The following CRYBG1 variants were observed in gnomAD, a reference collection of about 807,000 sequenced individuals.
The protein encoded by CRYBG1 is crystallin beta-gamma domain containing 1.
In CRYBG1, 139 loss-of-function variants were observed where a neutral mutation model predicts 189.2. The observed-to-expected ratio is 0.73, with a 90% CI of 0.64 to 0.85. The LOEUF is 0.85. CRYBG1 is among the 40% of genes least tolerant of loss of function. The pLI, the probability that CRYBG1 is intolerant of heterozygous loss-of-function variation, is 0.00. For synonymous variants in CRYBG1, 1,023 were observed against 1,017.1 expected (o/e 1.01, Z -0.11); for missense variants, 2,611 against 2,675.8 (o/e 0.98, Z 0.53).
At chr6:106,434,953 A>C (rs1246475018) in intron 1 of CRYBG1, among the ~76,000 whole-genome samples, 1 of 152,248 alleles carries the variant, frequency 6.6e-6, no homozygotes, top group East Asian at 1.9e-4. Context: ...TAACAAAAAG[A>C]GGCTGTAGGG....
In CRYBG1 at chr6:106,495,673, T is replaced by C. The variant is rs142988935; in HGVS notation, c.313-15757T>C. On this transcript the variant is annotated intron_variant, in intron 2 of 21. Transcript: ENST00000633556. ...CTGCTGTCTGTGCTTTTCTAGGTTC[T>C]TTAAAATATTACAGGTAATCATTAA... is the stretch of plus-strand genomic sequence containing the variant. Among the ~76,000 whole-genome samples, 911 of 152,226 alleles carry C rather than the reference T, an allele frequency of 6.0e-3. 16 individuals carry two copies. The South Asian group carries it at 0.073, about 12-fold the overall frequency.
chr6:106,493,345 A>T (rs1047210312), intron 2 of CRYBG1, among the ~76,000 whole-genome samples: 1 of 152,202 alleles, frequency 6.6e-6, no homozygotes, highest in African/African-American at 2.4e-5. Flanking sequence ...AAAAAATAAT[A>T]AGTTGGTGAA....
intron 1 of CRYBG1, among the ~76,000 whole-genome samples, chr6:106,399,096 G>T (rs940803171): frequency 1.3e-5 from 2 of 152,158 alleles, no homozygotes; most frequent in African/African-American, 4.8e-5. Context: ...ATAGTAGAAG[G>T]TAACAAATAT....
chr6:106,506,446 C>CTTTTTTTTTTTTTTTT, intron 2 of CRYBG1, among the ~76,000 whole-genome samples: 1 of 69,918 alleles, frequency 1.4e-5, no homozygotes, highest in Non-Finnish European at 2.6e-5. Context: ...TTTCTTGTCA[C>CTTTTTTTTTTTTTTTT]TTTTTTTTTT....
At chr6:106,542,020 C>T (rs1356469788) in intron 10 of CRYBG1, among the ~76,000 whole-genome samples, 1 of 152,158 alleles carries the variant, frequency 6.6e-6, no homozygotes, top group Non-Finnish European at 1.5e-5. Flanking sequence ...CCAATTCCCA[C>T]ATCGATGCCA....
chr6:106,411,471 A>G (rs1770927024), intron 1 of CRYBG1, among the ~76,000 whole-genome samples: 1 of 152,194 alleles, frequency 6.6e-6, no homozygotes, highest in African/African-American at 2.4e-5. Context: ...ATTTGTATCT[A>G]CATAGACTTT....
chr6:106,463,798 C>T (rs1420168560), intron 2 of CRYBG1, among the ~76,000 whole-genome samples: 1 of 152,156 alleles, frequency 6.6e-6, no homozygotes, highest in Non-Finnish European at 1.5e-5. Context: ...TGTTAGTGGA[C>T]CTTTGATGTC....
chr6:106,470,921 A>G (rs1380662442), intron 2 of CRYBG1, among the ~76,000 whole-genome samples: 1 of 152,220 alleles, frequency 6.6e-6, no homozygotes, highest in Non-Finnish European at 1.5e-5. Context: ...GCTGGGCTCA[A>G]TAAAGAATCC....
chr6:106,429,895 AGGT>A (rs1446684825), intron 1 of CRYBG1, among the ~76,000 whole-genome samples: 1 of 152,216 alleles, frequency 6.6e-6, no homozygotes, highest in African/African-American at 2.4e-5. Context: ...AAAATTGTCA[AGGT>A]GCTTAGTACT....
intron 20 of CRYBG1, among the ~76,000 whole-genome samples, chr6:106,563,101 T>G (rs1005795533): frequency 6.6e-6 from 1 of 152,228 alleles, no homozygotes; most frequent in Non-Finnish European, 1.5e-5. Context: ...GGCCAGTAAT[T>G]TTTGTTAATG....
intron 1 of CRYBG1, among the ~76,000 whole-genome samples, chr6:106,442,704 C>T (rs997018931): frequency 3.3e-5 from 5 of 152,280 alleles, no homozygotes; most frequent in East Asian, 1.9e-4. Context: ...CAAACTCTTA[C>T]AGAGCATCTG....
At chr6:106,371,202 T>C (rs1172523615) in intron 1 of CRYBG1, among the ~76,000 whole-genome samples, 1 of 152,234 alleles carries the variant, frequency 6.6e-6, no homozygotes, top group Non-Finnish European at 1.5e-5. Context: ...TCATAATTTG[T>C]CACTTAAATG....
intron 1 of CRYBG1, among the ~76,000 whole-genome samples, chr6:106,427,422 G>A (rs1771246464): frequency 6.6e-6 from 1 of 152,050 alleles, no homozygotes; most frequent in African/African-American, 2.4e-5. Flanking sequence ...CCAAATCTTG[G>A]AATCATCCTG....
At chr6:106,361,914 T>TTTTGTGC (rs1562285481) in intron 1 of CRYBG1, among the ~76,000 whole-genome samples, 12 of 150,856 alleles carry the variant, frequency 8.0e-5, no homozygotes, top group East Asian at 7.8e-4. Flanking sequence ...AGGGCCAGAA[T>TTTTGTGC]AAAATTGTGC....
intron 3 of CRYBG1, among the ~76,000 whole-genome samples, chr6:106,513,386 A>T (rs1773346845): frequency 6.6e-6 from 1 of 152,230 alleles, no homozygotes; most frequent in African/African-American, 2.4e-5. Flanking sequence ...GGGTGTTCCA[A>T]GGTGGGATGT....
intron 13 of CRYBG1, among the ~76,000 whole-genome samples, chr6:106,548,868 T>C (rs1162668298): frequency 2.0e-5 from 3 of 151,018 alleles, no homozygotes; most frequent in Non-Finnish European, 4.4e-5. Flanking sequence ...GCATTAGGTA[T>C]ATCTCCTAAT....
At chr6:106,451,529 T>G in intron 1 of CRYBG1, 165 bp from the exon 2 acceptor site, 7 of 607,140 alleles carry the variant, frequency 1.2e-5, no homozygotes, top group Non-Finnish European at 1.8e-5. Flanking sequence ...AAATGTGCTA[T>G]GAGAGCGCCA....
intron 2 of CRYBG1, among the ~76,000 whole-genome samples, chr6:106,508,306 G>GC (rs1554187218): frequency 2.0e-5 from 3 of 152,168 alleles, no homozygotes; most frequent in African/African-American, 7.2e-5. Flanking sequence ...TTCCCAGGGG[G>GC]AAAACTCTGT....
At chr6:106,400,856 T>C (rs1770707770) in intron 1 of CRYBG1, among the ~76,000 whole-genome samples, 1 of 152,154 alleles carries the variant, frequency 6.6e-6, no homozygotes, top group Admixed American at 6.5e-5. Flanking sequence ...ACATGTGAAC[T>C]AAGTCGCAAA....
Sources: allele counts gnomAD v4.1 joint callset (sites outside exome capture counted in the v4.1 genomes callset), GRCh38; gene constraint gnomAD v4.1.1; transcripts MANE v1.5; gene names NCBI Gene and HGNC (gene_info 2026-07-23, HGNC 2026-07-21).